Variants in DNAH17 observed in about 807,000 individuals in gnomAD.
DNAH17 encodes the protein dynein axonemal heavy chain 17, also known as axonemal beta dynein heavy chain 17.
In DNAH17, 376 loss-of-function variants were observed where a neutral mutation model predicts 485.6. That is an observed-to-expected ratio of 0.77 (90% CI 0.71 to 0.84). DNAH17 has a LOEUF of 0.84. DNAH17 is among the 40% of genes least tolerant of loss of function. The probability of loss-of-function intolerance (pLI) is 0.00; values close to 1 mark genes in which losing one functional copy is unlikely to be tolerated. For missense variants in DNAH17, 6,370 were observed against 5,839.3 expected, an observed-to-expected ratio of 1.09 and a Z score of -2.96; for synonymous variants, 3,031 against 2,405.9, an observed-to-expected ratio of 1.26 and a Z score of -7.60.
intron 7 of DNAH17, among the ~76,000 whole-genome samples, chr17:78,569,990 G>A (rs995308117): frequency 2.0e-5 from 3 of 152,328 alleles, no homozygotes; most frequent in Admixed American, 2.0e-4. Context: ...ATGGGTCTCG[G>A]GGTACGGGGA....
At chr17:78,482,317 C>T (rs182206564) in intron 48 of DNAH17, among the ~76,000 whole-genome samples, 19 of 152,224 alleles carry the variant, frequency 1.2e-4, no homozygotes, top group Admixed American at 2.6e-4. Context: ...TGAGCCACTG[C>T]GCCCAGCACT....
At chr17:78,517,224 A>G (rs2090811403) in intron 25 of DNAH17, among the ~76,000 whole-genome samples, 2 of 152,162 alleles carry the variant, frequency 1.3e-5, no homozygotes, top group South Asian at 2.1e-4. Flanking sequence ...TTATATTTTT[A>G]GTAGAGATGG....
intron 36 of DNAH17, 72 bp downstream of exon 36, chr17:78,500,233 G>T: frequency 6.7e-7 from 1 of 1,482,712 alleles, no homozygotes. Flanking sequence ...TGGGGCCTCG[G>T]AGGACAGGGT....
chr17:78,540,691 T>C (rs1357053695), intron 17 of DNAH17, among the ~76,000 whole-genome samples: 2 of 50,044 alleles, frequency 4.0e-5, no homozygotes, highest in African/African-American at 1.9e-4. Flanking sequence ...GATGGATGGG[T>C]GGATGGGTGG....
rs202202365 is a variant in DNAH17, at chr17:78,510,407, C to A, written c.4213G>T (p.Val1405Leu). 15 of 1,613,268 alleles carry A rather than the reference C, an allele frequency of 9.3e-6. No homozygotes were observed. In the South Asian group the frequency reaches 1.6e-4, roughly 18 times the overall value. The change falls in exon 27 of 81, where the codon GTG becomes TTG. Residue 1405 changes from valine (V) to leucine (L), a missense_variant. Physicochemically the swap from Val to Leu is conservative, Grantham distance 32. Transcript: ENST00000389840. Reference sequence around the variant, plus strand: ...ACCTTTTCCATGCCCGACTCCTTCACGGCCTTGTCCACGATGTTGCGGACC... The same window carrying A: ...ACCTTTTCCATGCCCGACTCCTTCAAGGCCTTGTCCACGATGTTGCGGACC... Reference protein sequence around the residue: ...DEVRNIVDKAVKESGMEKVLK... With the variant: ...DEVRNIVDKALKESGMEKVLK...
intron 75 of DNAH17, among the ~76,000 whole-genome samples, chr17:78,430,248 A>G (rs561774537): frequency 1.3e-4 from 19 of 151,746 alleles, no homozygotes; most frequent in East Asian, 1.9e-4. Flanking sequence ...TTGAGGCCAC[A>G]TGTGTCATTT....
chr17:78,484,739 A>ACCCCCCCGGCCCCCCCCCCCCCCCCCCC, intron 48 of DNAH17, 129 bp downstream of exon 48: 2 of 347,798 alleles, frequency 5.8e-6, no homozygotes, highest in Non-Finnish European at 9.1e-6. Context: ...ACGTTGCAGC[A>ACCCCCCCGGCCCCCCCCCCCCCCCCCCC]CCCCCCCCAC....
rs1368063469 is a variant in DNAH17 at position 78,497,755 on chromosome 17, T to C, written c.5745+1253A>G. ...GCACCTCTAATCCTGCTGGCAGACC[T>C]GTGTCACCAACACCGCCTTACAGGT... On this transcript the variant is annotated intron_variant, in intron 37 of 80. Transcript: ENST00000389840. 3.3e-5 allele frequency among the ~76,000 whole-genome samples: 5 copies of C among 152,214 alleles called. No individual in the cohort carries two copies. The South Asian group carries it at 1.0e-3, about 31-fold the overall frequency.
rs1438138220 is a variant in DNAH17, at chr17:78,514,524, A to T, written c.4113+250T>A. Among the ~76,000 whole-genome samples, 3 of 147,992 alleles carry T rather than the reference A, an allele frequency of 2.0e-5. No homozygotes were observed. In the South Asian group the frequency reaches 6.4e-4, roughly 32 times the overall value. The stretch of plus-strand genomic sequence containing the variant: ...GTCTCAAAAAAAAAAAAAAAAAAAG[A>T]AAAAGAAAATTACTAAGAATTTTGA... On this transcript the variant is annotated intron_variant, in intron 26 of 80. Transcript: ENST00000389840.
At chr17:78,453,503 G>A (rs1431232499) in intron 64 of DNAH17, 38 bp from the exon 65 acceptor site, 2 of 1,611,726 alleles carry the variant, frequency 1.2e-6, no homozygotes, top group Non-Finnish European at 1.7e-6. Context: ...ATGGCAGAGG[G>A]CCTCGTGATG....
Position 78,571,728 on chromosome 17 carries a change from G to T in DNAH17, c.594C>A (p.Ile198=). 6.2e-7 allele frequency: 1 copy of T among 1,612,412 alleles called. No homozygotes were observed. The highest frequency in any genetic ancestry group is 8.5e-7 in the Non-Finnish European group (1 of 1,179,054). The change falls in exon 4 of 81, where the codon ATC becomes ATA. Residue 198 remains isoleucine, a synonymous_variant. Coordinates refer to ENST00000389840, the MANE Select transcript of DNAH17 (RefSeq NM_173628.4). ...LLLHAIETTI[I]DWSHQIRDVL... ...CATCCCGGATCTGGTGGGACCAGTC[G>T]ATGATGGTGGTTTCAATGGCGTGCA...
At position 78,492,627 on chromosome 17, in the gene DNAH17, C is replaced by G. The variant is rs775752999; in HGVS notation, c.6541+6G>C. On this transcript the variant is annotated splice_donor_region_variant and intron_variant, in intron 42 of 80. Transcript: ENST00000389840. ...CTGCAGCCTGTCCCGGGACCACCCT[C>G]GTTACCATCTTTCCATTCCCTGGTC... is the stretch of plus-strand genomic sequence containing the variant. 6.2e-7 allele frequency: 1 copy of G among 1,613,438 alleles called. No homozygotes were observed. The highest frequency in any genetic ancestry group is 1.3e-5 in the African/African-American group (1 of 74,918).
At chr17:78,526,043 C>G (rs534406312) in intron 24 of DNAH17, among the ~76,000 whole-genome samples, 1 of 152,354 alleles carries the variant, frequency 6.6e-6, no homozygotes, top group East Asian at 1.9e-4. Flanking sequence ...AAGGGCCCCA[C>G]TGGGCCCCAA....
chr17:78,518,762 C>T (rs1008185260), intron 25 of DNAH17, among the ~76,000 whole-genome samples: 1 of 152,124 alleles, frequency 6.6e-6, no homozygotes, highest in Non-Finnish European at 1.5e-5. Context: ...TAAAATAAAG[C>T]TTAATACATT....
chr17:78,472,298 G>GGGGGTGCGAGGATTAGGGTTAGGGAA (rs2088794463), intron 54 of DNAH17, among the ~76,000 whole-genome samples: 3 of 141,852 alleles, frequency 2.1e-5, no homozygotes, highest in African/African-American at 9.3e-5. Flanking sequence ...GGGTTAGGGA[G>GGGGGTGCGAGGATTAGGGTTAGGGAA]TGGGGGTGCG....
chr17:78,432,841 T>A (rs141423753), intron 75 of DNAH17, among the ~76,000 whole-genome samples: 6 of 149,458 alleles, frequency 4.0e-5, no homozygotes, highest in Non-Finnish European at 8.9e-5. Flanking sequence ...GAAGCAGGCT[T>A]AGCGGTCCAG....
At chr17:78,464,371 T>A (rs899852653) in intron 56 of DNAH17, among the ~76,000 whole-genome samples, 1 of 152,216 alleles carries the variant, frequency 6.6e-6, no homozygotes, top group African/African-American at 2.4e-5. Flanking sequence ...GTGATTCTCC[T>A]GCCTTAGCCT....
In DNAH17 at chr17:78,494,939, G is replaced by A; in HGVS notation, c.6042+20C>T. The A allele has an allele frequency of 6.2e-7, 1 of 1,601,768 alleles. No homozygotes were observed. The highest frequency in any genetic ancestry group is 8.5e-7 in the Non-Finnish European group (1 of 1,170,450). ...TCAAACTCCCACCCACACCCGCCGT[G>A]AGCTCCAGGACACACACACCTGCTT... On this transcript the variant is annotated intron_variant, in intron 39 of 80. Coordinates refer to ENST00000389840, the MANE Select transcript of DNAH17 (RefSeq NM_173628.4).
chr17:78,550,142 C>T (rs1003575302), intron 16 of DNAH17, among the ~76,000 whole-genome samples: 3 of 152,184 alleles, frequency 2.0e-5, no homozygotes, highest in Non-Finnish European at 2.9e-5. Context: ...GGAGGAGGAG[C>T]GACGTCATGC....
Sources: gnomAD v4.1 joint callset for allele counts (sites outside exome capture counted in the v4.1 genomes callset) on GRCh38, gnomAD v4.1.1 for gene constraint, MANE v1.5 for transcripts, NCBI Gene and HGNC (gene_info 2026-07-23, HGNC 2026-07-21) for gene names.